Variants in MDGA1 observed in about 807,000 individuals in gnomAD.
The protein encoded by MDGA1 is MAM domain containing glycosylphosphatidylinositol anchor 1.
A neutral mutation model predicts 101.5 loss-of-function variants in MDGA1; 54 were observed. The observed-to-expected ratio is 0.53, with a 90% CI of 0.43 to 0.67. MDGA1 has a LOEUF of 0.67. Ranked by LOEUF, MDGA1 falls within the 30% of genes least tolerant of loss-of-function variation. The pLI is 0.00. For missense variants in MDGA1, 1,083 were observed against 1,323.8 expected (o/e 0.82, Z 2.82); for synonymous variants, 533 against 558.3 (o/e 0.95, Z 0.64).
In MDGA1 at chr6:37,631,698, T is replaced by A. The variant is rs895177466; in HGVS notation, c.*5670A>T. 6.6e-6 allele frequency: 1 copy of A among 151,866 alleles called. No individual in the cohort carries two copies. Among genetic ancestry groups the A allele is most frequent in the African/African-American group, 2.4e-5 (1 of 41,290 alleles). The allele number at this position is 151,866 out of a possible 1,614,324, so 9.4% of individuals were successfully genotyped here. On this transcript the variant is annotated 3_prime_UTR_variant, in exon 17 of 17. Transcript: ENST00000434837. ...GCCCATCTCACCTACAATATATGAG[T>A]AGATGTTTGAAATAAGTGACCTTTA... is the stretch of plus-strand genomic sequence containing the variant.
At chr6:37,674,592 A>G (rs76523948) in intron 1 of MDGA1, among the ~76,000 whole-genome samples, 2 of 152,214 alleles carry the variant, frequency 1.3e-5, no homozygotes, top group Non-Finnish European at 2.9e-5. Context: ...GGTGATGCTC[A>G]TAGAATCTTC....
At position 37,655,914 on chromosome 6, in the gene MDGA1, C is replaced by A; in HGVS notation, c.383-18G>T. ...ATCCAGGTCTGCAAGGGCACAGCCC[C>A]CATGGAGTCAGGACTGGGTGACCCC... On this transcript the variant is annotated intron_variant, in intron 3 of 16. Coordinates refer to ENST00000434837, the MANE Select transcript of MDGA1 (RefSeq NM_153487.4). The surrounding 1 kb of genome is among the most constrained non-coding windows in gnomAD (Gnocchi z 5.1). 6.2e-7 allele frequency: 1 copy of A among 1,603,542 alleles called. No homozygotes were observed. The highest frequency in any genetic ancestry group is 8.5e-7 in the Non-Finnish European group (1 of 1,174,934).
chr6:37,665,438 T>C (rs1761727224), intron 1 of MDGA1, among the ~76,000 whole-genome samples: 1 of 152,148 alleles, frequency 6.6e-6, no homozygotes, highest in Non-Finnish European at 1.5e-5. Context: ...AAACAGGACC[T>C]AAGGCCATGC....
chr6:37,669,457 GTT>G (rs1761824827), intron 1 of MDGA1, among the ~76,000 whole-genome samples: 1 of 152,180 alleles, frequency 6.6e-6, no homozygotes, highest in African/African-American at 2.4e-5. Context: ...TCCAGGTACA[GTT>G]TTCCTTCTGA....
intron 7 of MDGA1, 28 bp from the exon 8 acceptor site, chr6:37,650,433 A>T: frequency 6.7e-7 from 1 of 1,492,622 alleles, no homozygotes; most frequent in Non-Finnish European, 8.9e-7. Flanking sequence ...ATCAGCGGAG[A>T]GGTAGGAGCG....
chr6:37,673,214 A>C (rs1477509579), intron 1 of MDGA1, among the ~76,000 whole-genome samples: 1 of 152,102 alleles, frequency 6.6e-6, no homozygotes, highest in Non-Finnish European at 1.5e-5. Context: ...TGCCTAGCCC[A>C]GTGCAGGGCT....
intron 2 of MDGA1, among the ~76,000 whole-genome samples, chr6:37,663,221 G>A (rs1342002630): frequency 6.6e-6 from 1 of 152,116 alleles, no homozygotes; most frequent in Admixed American, 6.5e-5. Flanking sequence ...GTGATCACAG[G>A]CCAGTGCTTC....
In MDGA1 at chr6:37,649,201, G is replaced by A. The variant is rs1350102990; in HGVS notation, c.1675C>T (p.Arg559Cys). 1 of 1,509,570 alleles carries A rather than the reference G, an allele frequency of 6.6e-7. No homozygotes were observed. The highest frequency in any genetic ancestry group is 2.1e-5 in the Admixed American group (1 of 47,842). 93.5% of individuals were successfully genotyped at this position (1,509,570 alleles called of 1,614,324 possible). A position where few individuals can be genotyped will look rare whatever the true frequency, so the allele number is the denominator to read the frequency against. The change falls in exon 9 of 17, where the codon CGC becomes TGC. Residue 559 changes from arginine to cysteine, a missense_variant. By Grantham distance (180) the Arg-to-Cys change is radical (BLOSUM62 -3). This residue lies in a region of MDGA1 where 657 missense variants were observed against 771.4 expected (regional missense o/e 0.85). Coordinates refer to ENST00000434837, the MANE Select transcript of MDGA1 (RefSeq NM_153487.4). ...GGGCTGCCTCGCAGCAGCGAGCAGCGCAGGAGCACGGGCCGGCCCAGCGCC... is the reference window on the plus strand; with the variant it reads ...GGGCTGCCTCGCAGCAGCGAGCAGCACAGGAGCACGGGCCGGCCCAGCGCC... The part of the protein sequence containing the change: ...RQALGRPVLL[R>C]CSLLRGSPQR...
In MDGA1 at chr6:37,655,406, C is replaced by T; in HGVS notation, c.579+294G>A. 1 of 363,820 alleles carries T rather than the reference C, an allele frequency of 2.7e-6. No homozygotes were observed. The allele number at this position is 363,820 out of a possible 1,614,324, so 22.5% of individuals were successfully genotyped here. ...CTGGCCACAGGTTCCCAATACTCTG[C>T]CACCCAGCAGCAGACTGGGATGACC... is the stretch of plus-strand genomic sequence containing the variant. On this transcript the variant is annotated intron_variant, in intron 4 of 16. Coordinates refer to ENST00000434837, the MANE Select transcript of MDGA1 (RefSeq NM_153487.4). This position sits in a 1 kb window ranked among gnomAD's most constrained non-coding sequence, Gnocchi z 5.1.
intron 1 of MDGA1, among the ~76,000 whole-genome samples, chr6:37,693,740 G>A (rs1762361208): frequency 6.6e-6 from 1 of 152,222 alleles, no homozygotes; most frequent in African/African-American, 2.4e-5. Context: ...CCAGAAAGCA[G>A]ATTACAGGAT....
intron 1 of MDGA1, among the ~76,000 whole-genome samples, chr6:37,676,365 C>G (rs1212657161): frequency 6.6e-6 from 1 of 152,260 alleles, no homozygotes; most frequent in East Asian, 1.9e-4. Context: ...GATCAAAAAG[C>G]CCAGTGAGGC....
intron 1 of MDGA1, among the ~76,000 whole-genome samples, chr6:37,673,765 C>A (rs1761920417): frequency 6.6e-6 from 1 of 152,118 alleles, no homozygotes; most frequent in African/African-American, 2.4e-5. Context: ...GCTAGGAAAG[C>A]CGACTTGAAA....
chr6:37,689,162 C>T (rs115428822), intron 1 of MDGA1, among the ~76,000 whole-genome samples: 1,890 of 152,192 alleles, frequency 0.012, 24 homozygotes, highest in African/African-American at 0.044. Context: ...GGGTCATGTC[C>T]CCTCTCAGGC....
At chr6:37,668,048 C>G (rs961242119) in intron 1 of MDGA1, among the ~76,000 whole-genome samples, 3 of 152,134 alleles carry the variant, frequency 2.0e-5, no homozygotes, top group Non-Finnish European at 2.9e-5. Flanking sequence ...CCCAGGACTT[C>G]TAGACCAGCC....
rs1376776314 is a variant in MDGA1 at position 37,635,822 on chromosome 6, C to G, written c.*1546G>C. On this transcript the variant is annotated 3_prime_UTR_variant, in exon 17 of 17. Transcript: ENST00000434837. Reference sequence around the variant, plus strand: ...TCGCAGGCAGCTTGAGACTACAGAACAGGGCTGGACAGAGTCTATTCAGCC... The same window carrying G: ...TCGCAGGCAGCTTGAGACTACAGAAGAGGGCTGGACAGAGTCTATTCAGCC... 9 of 397,998 alleles carry G rather than the reference C, an allele frequency of 2.3e-5. No homozygotes were observed. The highest frequency in any genetic ancestry group is 1.4e-4 in the South Asian group (1 of 7,042). The allele number at this position is 397,998 out of a possible 1,614,324, so 24.7% of individuals were successfully genotyped here. A position where few individuals can be genotyped will look rare whatever the true frequency, so the allele number is the denominator to read the frequency against.
chr6:37,651,787 C>T (rs1321939125), intron 7 of MDGA1, among the ~76,000 whole-genome samples: 2 of 152,198 alleles, frequency 1.3e-5, no homozygotes, highest in Non-Finnish European at 2.9e-5. Flanking sequence ...TGCCTTTCCT[C>T]CTAAGCTCTA....
chr6:37,688,514 G>T (rs1255259616), intron 1 of MDGA1, among the ~76,000 whole-genome samples: 1 of 152,128 alleles, frequency 6.6e-6, no homozygotes, highest in African/African-American at 2.4e-5. Flanking sequence ...AGCCACCAAG[G>T]TCACCCACCC....
Position 37,696,763 on chromosome 6 carries a change from G to A in MDGA1, c.49C>T (p.Arg17Trp). ...CTCTTACCGTAGACTCCTTGTCCCCGGCAGTGGAAGGGGATCAGCGCCAGA... is the reference window on the plus strand; with the variant it reads ...CTCTTACCGTAGACTCCTTGTCCCCAGCAGTGGAAGGGGATCAGCGCCAGA... The part of the protein sequence containing the change: ...LLLALIPFHC[R>W]GQGVYAPAQA... Residue 17 changes from arginine to tryptophan, a missense_variant, in exon 1 of 17, where the codon CGG (arginine) becomes TGG (tryptophan). Arg to Trp is a moderately radical substitution (Grantham distance 101). Coordinates refer to ENST00000434837, the MANE Select transcript of MDGA1 (RefSeq NM_153487.4). The surrounding 1 kb of genome is among the most constrained non-coding windows in gnomAD (Gnocchi z 5.6). The A allele has an allele frequency of 1.3e-6, 2 of 1,583,746 alleles. No homozygotes were observed. The highest frequency in any genetic ancestry group is 8.6e-7 in the Non-Finnish European group (1 of 1,164,264).
At chr6:37,691,179 A>G (rs112368736) in intron 1 of MDGA1, among the ~76,000 whole-genome samples, 2,414 of 152,262 alleles carry the variant, frequency 0.016, 27 homozygotes, top group African/African-American at 0.03. Flanking sequence ...TGAACATTTA[A>G]TGAATGATGA....
Sources: gnomAD v4.1 joint callset for allele counts (sites outside exome capture counted in the v4.1 genomes callset) on GRCh38, gnomAD v4.1.1 for gene constraint, gnomAD v4.1.1 regional missense constraint, Gnocchi (gnomAD v3.1) non-coding constraint, MANE v1.5 for transcripts, NCBI Gene and HGNC (gene_info 2026-07-23, HGNC 2026-07-21) for gene names.